Variants in FGF12 observed in about 807,000 individuals in gnomAD.
FGF12 encodes fibroblast growth factor 12B.
FGF12 carries 14 observed loss-of-function variants against 23.6 expected under a neutral mutation model. The observed-to-expected ratio is 0.59, with a 90% CI of 0.39 to 0.93. The LOEUF (loss-of-function observed/expected upper bound fraction) is 0.93. Ranked by LOEUF, FGF12 falls within the 40% of genes least tolerant of loss-of-function variation. The pLI is 0.00. For synonymous variants in FGF12, 62 were observed against 77.3 expected, an observed-to-expected ratio of 0.80 and a Z score of 1.04; for missense variants, 175 against 217.8, an observed-to-expected ratio of 0.80 and a Z score of 1.24.
rs1306284620 is a variant in FGF12, at chr3:192,409,904, C to CCGCCGCCG, written c.14-49374_14-49367dup. Among the ~76,000 whole-genome samples, 7 of 151,598 alleles carry CCGCCGCCG rather than the reference C, an allele frequency of 4.6e-5. No individual in the cohort carries two copies. Among genetic ancestry groups the CCGCCGCCG allele is most frequent in the African/African-American group, 1.4e-4 (6 of 41,396 alleles). On this transcript the variant is annotated intron_variant, in intron 2 of 5. Transcript: ENST00000445105. The surrounding 1 kb of genome is among the most constrained non-coding windows in gnomAD (Gnocchi z 4.8). ...GAGCCGCGGGCTTGCGGGGCGCCCC[C>CCGCCGCCG]CGCCGCCGCGCCGCCGCCTCCCCAG...
At chr3:192,188,761 A>G (rs1716625716) in intron 4 of FGF12, among the ~76,000 whole-genome samples, 1 of 152,214 alleles carries the variant, frequency 6.6e-6, no homozygotes, top group Non-Finnish European at 1.5e-5. Context: ...TAAAACTTGA[A>G]TCATCATACT....
chr3:192,675,410 T>G lies in FGF12; in HGVS notation c.13+51771A>C, dbSNP rs921223098. On this transcript the variant is annotated intron_variant, in intron 2 of 5. Transcript: ENST00000445105. ...AAACCAAGAATCCTTACATTCATTA[T>G]TTTATGATATAAGAGGATTATATAA... Among the ~76,000 whole-genome samples the G allele has an allele frequency of 3.5e-4, 53 of 152,208 alleles. 1 individual carries two copies. Among genetic ancestry groups the G allele is most frequent in the African/African-American group, 1.1e-3 (47 of 41,454 alleles).
intron 2 of FGF12, among the ~76,000 whole-genome samples, chr3:192,670,881 T>C (rs1717088375): frequency 6.6e-6 from 1 of 152,148 alleles, no homozygotes; most frequent in African/African-American, 2.4e-5. Context: ...AGAAATTGAA[T>C]TGCAAAGGTG....
At chr3:192,712,143 C>T (rs1012087852) in intron 2 of FGF12, among the ~76,000 whole-genome samples, 2 of 151,026 alleles carry the variant, frequency 1.3e-5, no homozygotes, top group Admixed American at 6.6e-5. Context: ...AACTTGAGCC[C>T]ATAATCTAGA....
intron 2 of FGF12, among the ~76,000 whole-genome samples, chr3:192,575,500 A>AGAG (rs1196383148): frequency 2.0e-5 from 3 of 152,094 alleles, no homozygotes; most frequent in African/African-American, 2.4e-5. Context: ...TGGAGGAGGA[A>AGAG]GAGGAGGAGG....
rs1721036821 is a variant in FGF12 at position 192,408,053 on chromosome 3, G to A, written c.14-47515C>T. On this transcript the variant is annotated intron_variant, in intron 2 of 5. Transcript: ENST00000445105. The surrounding 1 kb of genome is among the most constrained non-coding windows in gnomAD (Gnocchi z 7.3). ...GTCTCCGCCTCACCGGCCTCTTGCG[G>A]CCGCTGCAGAAGCGCACTTTGCTGA... 6.2e-7 allele frequency: 1 copy of A among 1,612,244 alleles called. No homozygotes were observed. The highest frequency in any genetic ancestry group is 1.1e-5 in the South Asian group (1 of 90,972).
At position 192,618,755 on chromosome 3, in the gene FGF12, G is replaced by A. The variant is rs546498110; in HGVS notation, c.13+108426C>T. 2.7e-5 allele frequency among the ~76,000 whole-genome samples: 4 copies of A among 148,848 alleles called. No individual in the cohort carries two copies. In the East Asian group the frequency reaches 6.0e-4, roughly 22 times the overall value. ...CTTCTGCCTTCATAGATCAAAGTTC[G>A]ACTATCTTATAATACTAAAAAAAAA... On this transcript the variant is annotated intron_variant, in intron 2 of 5. Transcript: ENST00000445105.
intron 2 of FGF12, among the ~76,000 whole-genome samples, chr3:192,633,810 C>G (rs946885376): frequency 6.6e-6 from 1 of 152,184 alleles, no homozygotes; most frequent in Non-Finnish European, 1.5e-5. Context: ...GATACCCGAA[C>G]TGGACACCTG....
Position 192,357,449 on chromosome 3 carries a change from T to TC in FGF12, c.124+2978dup, listed in dbSNP as rs1197427443. Among the ~76,000 whole-genome samples the TC allele has an allele frequency of 2.0e-5, 3 of 150,214 alleles. No homozygotes were observed. In the Admixed American group the frequency reaches 2.0e-4, roughly 10 times the overall value. ...CTGAGCCGAGATCACACCACTATAC[T>TC]CCAGCCTAGTGACAGAGTGAGACTC... On this transcript the variant is annotated intron_variant, in intron 3 of 5. Transcript: ENST00000445105.
chr3:192,239,908 A>G (rs1189998811), intron 4 of FGF12, among the ~76,000 whole-genome samples: 4 of 152,206 alleles, frequency 2.6e-5, no homozygotes, highest in South Asian at 4.2e-4. Context: ...GCCCCAGTAA[A>G]TATCTGAGGT....
intron 2 of FGF12, among the ~76,000 whole-genome samples, chr3:192,469,259 T>C (rs1016127924): frequency 3.3e-5 from 5 of 152,226 alleles, no homozygotes; most frequent in Non-Finnish European, 4.4e-5. Context: ...GGTTGCTAAG[T>C]GTGTTCATTA....
chr3:192,567,448 C>G (rs1875734), intron 2 of FGF12, among the ~76,000 whole-genome samples: 12,462 of 152,176 alleles, frequency 0.082, 666 homozygotes, highest in Non-Finnish European at 0.12. Context: ...GAAAGCTTAA[C>G]TGGAGAGAAA....
At chr3:192,157,759 A>G (rs1714504546) in intron 5 of FGF12, among the ~76,000 whole-genome samples, 1 of 152,264 alleles carries the variant, frequency 6.6e-6, no homozygotes, top group South Asian at 2.1e-4. Flanking sequence ...TTATTTATAA[A>G]GCACACAGCT....
intron 2 of FGF12, among the ~76,000 whole-genome samples, chr3:192,682,230 C>A (rs1375734385): frequency 3.3e-5 from 5 of 152,194 alleles, no homozygotes; most frequent in African/African-American, 9.7e-5. Context: ...AGGTAAACAG[C>A]AGACACCCAA....
intron 2 of FGF12, among the ~76,000 whole-genome samples, chr3:192,608,305 G>A (rs1405280352): frequency 6.6e-6 from 1 of 152,100 alleles, no homozygotes; most frequent in Non-Finnish European, 1.5e-5. Flanking sequence ...AGTATAATTG[G>A]AATGTTTGTG....
intron 2 of FGF12, among the ~76,000 whole-genome samples, chr3:192,484,709 G>A (rs1298133067): frequency 6.6e-6 from 1 of 152,088 alleles, no homozygotes; most frequent in East Asian, 1.9e-4. Flanking sequence ...AGGCTGAATC[G>A]ACAGGCCCAC....
At chr3:192,418,382 T>C (rs1721418432) in intron 2 of FGF12, among the ~76,000 whole-genome samples, 1 of 152,126 alleles carries the variant, frequency 6.6e-6, no homozygotes, top group African/African-American at 2.4e-5. Context: ...GAATTAACAG[T>C]ATGATGTCAG....
intron 2 of FGF12, among the ~76,000 whole-genome samples, chr3:192,651,540 A>G (rs189208067): frequency 3.9e-5 from 6 of 152,318 alleles, no homozygotes; most frequent in Admixed American, 6.5e-5. Flanking sequence ...AATAAAACAA[A>G]TTAAAAACAA....
At chr3:192,526,647 C>G (rs911923599) in intron 2 of FGF12, among the ~76,000 whole-genome samples, 1 of 152,126 alleles carries the variant, frequency 6.6e-6, no homozygotes, top group Admixed American at 6.5e-5. Flanking sequence ...TGAAATATTA[C>G]TATTTCTGCC....
Sources: gnomAD v4.1 joint callset for allele counts (sites outside exome capture counted in the v4.1 genomes callset) on GRCh38, gnomAD v4.1.1 for gene constraint, Gnocchi (gnomAD v3.1) non-coding constraint, MANE v1.5 for transcripts, NCBI Gene and HGNC (gene_info 2026-07-23, HGNC 2026-07-21) for gene names.